Variants in CTSH observed in about 807,000 individuals in gnomAD.
CTSH encodes pro-cathepsin H.
In CTSH, 52 loss-of-function variants were observed where a neutral mutation model predicts 56.3. The ratio of observed to expected loss-of-function variants is 0.92; its 90% CI spans 0.74 to 1.16. The LOEUF is 1.16. Among genes scored for constraint, CTSH ranks in the 50% most tolerant of loss-of-function variants. CTSH has a pLI of 0.00. For missense variants in CTSH, 406 were observed against 424.5 expected, an observed-to-expected ratio of 0.96 and a Z score of 0.38; for synonymous variants, 174 against 155.7, an observed-to-expected ratio of 1.12 and a Z score of -0.88.
chr15:78,939,137 G>T lies in CTSH; in HGVS notation c.123+3C>A. On this transcript the variant is annotated splice_donor_region_variant and intron_variant, in intron 2 of 11. Transcript: ENST00000220166. Reference sequence around the variant, plus strand: ...CTTCAAAAAGAAGAAGTTGGGCACTGACCTTAGACATCCATGACTTGAAGT... The same window carrying T: ...CTTCAAAAAGAAGAAGTTGGGCACTTACCTTAGACATCCATGACTTGAAGT... 1 of 1,596,966 alleles carries T rather than the reference G, an allele frequency of 6.3e-7. No homozygotes were observed. The highest frequency in any genetic ancestry group is 8.5e-7 in the Non-Finnish European group (1 of 1,173,590).
At chr15:78,930,562 AAATAAAT>A (rs2055032306) in intron 7 of CTSH, among the ~76,000 whole-genome samples, 2 of 151,758 alleles carry the variant, frequency 1.3e-5, no homozygotes, top group African/African-American at 4.8e-5. Context: ...ATAAATAAAT[AAATAAAT>A]AAAAAATAAA....
chr15:78,936,909 G>A (rs12592959), intron 3 of CTSH: 2,438 of 165,216 alleles, frequency 0.015, 94 homozygotes, highest in East Asian at 0.14. Context: ...AATTACAGGC[G>A]TGAGCCACCG....
chr15:78,940,418 T>A (rs1262731773), intron 1 of CTSH, among the ~76,000 whole-genome samples: 3 of 151,434 alleles, frequency 2.0e-5, no homozygotes, highest in Non-Finnish European at 4.4e-5. Flanking sequence ...ACCTCGTCTC[T>A]ACAAAAAAAT....
chr15:78,935,215 C>T (rs2055150845), intron 4 of CTSH, 133 bp from the exon 5 acceptor site: 8 of 650,160 alleles, frequency 1.2e-5, no homozygotes, highest in Non-Finnish European at 2.1e-5. Flanking sequence ...CAGAACCTTC[C>T]CTCTCCTGTC....
chr15:78,925,645 G>C (rs1293842894), intron 9 of CTSH: 1 of 511,142 alleles, frequency 2.0e-6, no homozygotes, highest in Non-Finnish European at 3.6e-6. Context: ...TCTGCTCCTA[G>C]GAAACCCTGC....
intron 4 of CTSH, 118 bp from the exon 5 acceptor site, chr15:78,935,200 G>A (rs991017389): frequency 2.3e-5 from 16 of 710,152 alleles, no homozygotes; most frequent in Non-Finnish European, 3.1e-5. Flanking sequence ...AAAGGCTGCA[G>A]CTCTCAGAAC....
At chr15:78,929,538 T>C in intron 7 of CTSH, 45 bp from the exon 8 acceptor site, 1 of 1,422,152 alleles carries the variant, frequency 7.0e-7, no homozygotes, top group Non-Finnish European at 9.8e-7. Flanking sequence ...GCTGTCCTGA[T>C]AGAGGCGGGG....
At chr15:78,923,307 T>C (rs1185554217) in intron 10 of CTSH, among the ~76,000 whole-genome samples, 189 bp from the exon 11 acceptor site, 1 of 152,222 alleles carries the variant, frequency 6.6e-6, no homozygotes, top group African/African-American at 2.4e-5. Context: ...TTTTTTCTTT[T>C]GAGACGGAGT....
rs1027016865 is a variant in CTSH, at chr15:78,937,802, G to A, written c.124-379C>T. 2.3e-6 allele frequency: 3 copies of A among 1,296,954 alleles called. No individual in the cohort carries two copies. The African/African-American group carries it at 4.5e-5, about 20-fold the overall frequency. The allele number at this position is 1,296,954 out of a possible 1,614,324, so 80.3% of individuals were successfully genotyped here. On this transcript the variant is annotated intron_variant, in intron 2 of 11. Coordinates refer to ENST00000220166, the MANE Select transcript of CTSH (RefSeq NM_004390.5). ...TGTTCCCCAACTGATTCTGCAACCAGTACACAGTGTGCTTTGGTTTTCTAA... is the reference window on the plus strand; with the variant it reads ...TGTTCCCCAACTGATTCTGCAACCAATACACAGTGTGCTTTGGTTTTCTAA...
In CTSH at chr15:78,921,225, C is replaced by G. The variant is rs2054764740; in HGVS notation, c.*905G>C. 1 of 152,158 alleles carries G rather than the reference C, an allele frequency of 6.6e-6. No homozygotes were observed. Among genetic ancestry groups the G allele is most frequent in the Non-Finnish European group, 1.5e-5 (1 of 68,036 alleles). 9.4% of individuals were successfully genotyped at this position (152,158 alleles called of 1,614,324 possible). A position where few individuals can be genotyped will look rare whatever the true frequency, so the allele number is the denominator to read the frequency against. ...CCATAGGACAAAGAGCTGGTGGACTCCAGCTTGTTCTACAGACATCCCAGA... is the reference window on the plus strand; with the variant it reads ...CCATAGGACAAAGAGCTGGTGGACTGCAGCTTGTTCTACAGACATCCCAGA... On this transcript the variant is annotated 3_prime_UTR_variant, in exon 12 of 12. Transcript: ENST00000220166.
Position 78,944,936 on chromosome 15 carries a change from C to T in CTSH, c.46G>A (p.Gly16Arg), listed in dbSNP as rs1373011407. The change falls in exon 1 of 12, where the codon GGA (glycine) becomes AGA (arginine). Residue 16 changes from glycine to arginine, a missense_variant. Transcript: ENST00000220166. ...PLLCAGAWLLGVPVCGAAELC... is the reference protein window; with the variant it reads ...PLLCAGAWLLRVPVCGAAELC... ...TCGGCGGCACCGCAGACGGGGACTCCCAGGAGCCAGGCCCCGGCGCAGAGC... is the reference window on the plus strand; with the variant it reads ...TCGGCGGCACCGCAGACGGGGACTCTCAGGAGCCAGGCCCCGGCGCAGAGC... 2 of 1,548,576 alleles carry T rather than the reference C, an allele frequency of 1.3e-6. No individual in the cohort carries two copies. Among genetic ancestry groups the T allele is most frequent in the Admixed American group, 2.0e-5 (1 of 50,898 alleles).
chr15:78,927,702 T>C lies in CTSH; in HGVS notation c.699+11A>G. The C allele has an allele frequency of 6.2e-7, 1 of 1,613,574 alleles. No homozygotes were observed. ...ACACATTCCCCATCCCAGAGGGGGATCGGCACTCACGATTGTGATGTTGGC... is the reference window on the plus strand; with the variant it reads ...ACACATTCCCCATCCCAGAGGGGGACCGGCACTCACGATTGTGATGTTGGC... On this transcript the variant is annotated intron_variant, in intron 9 of 11. Coordinates refer to ENST00000220166, the MANE Select transcript of CTSH (RefSeq NM_004390.5).
In CTSH at chr15:78,925,408, G is replaced by A; in HGVS notation, c.732C>T (p.Ala244=). Residue 244 remains alanine, a synonymous_variant, in exon 10 of 12, where the codon GCC becomes GCT. Transcript: ENST00000220166. ...YDEEAMVEAV[A]LYNPVSFAFE... ...AGGCAAAGCTCACAGGGTTGTAGAG[G>A]GCCACAGCCTCCACCATCGCTTCCT... 13 of 1,613,846 alleles carry A rather than the reference G, an allele frequency of 8.1e-6. No individual in the cohort carries two copies. The highest frequency in any genetic ancestry group is 1.1e-5 in the Non-Finnish European group (13 of 1,179,778).
rs2054775665 is a variant in CTSH, at chr15:78,921,871, T to C, written c.*259A>G. 1.9e-6 allele frequency: 1 copy of C among 514,296 alleles called. No individual in the cohort carries two copies. Among genetic ancestry groups the C allele is most frequent in the Non-Finnish European group, 3.5e-6 (1 of 288,210 alleles). 31.9% of individuals were successfully genotyped at this position (514,296 alleles called of 1,614,324 possible). A position where few individuals can be genotyped will look rare whatever the true frequency, so the allele number is the denominator to read the frequency against. ...GTAGCCCTTCTGGACAGAAAGAATA[T>C]TCGTGGTCCATGTGGTTTGAGTCTG... On this transcript the variant is annotated 3_prime_UTR_variant, in exon 12 of 12. Coordinates refer to ENST00000220166, the MANE Select transcript of CTSH (RefSeq NM_004390.5).
At chr15:78,929,306 G>T in intron 8 of CTSH, 106 bp downstream of exon 8, 1 of 853,036 alleles carries the variant, frequency 1.2e-6, no homozygotes, top group African/African-American at 1.7e-5. Flanking sequence ...TGAGAATTCC[G>T]GCGGGAGGGA....
In CTSH at chr15:78,922,162, C is replaced by T. The variant is rs1567341042; in HGVS notation, c.976G>A (p.Ala326Thr). The T allele has an allele frequency of 6.3e-7, 1 of 1,581,372 alleles. No homozygotes were observed. Among genetic ancestry groups the T allele is most frequent in the Non-Finnish European group, 8.6e-7 (1 of 1,164,504 alleles). The change falls in exon 12 of 12, where the codon GCC becomes ACC. Residue 326 changes from alanine to threonine, a missense_variant. Ala to Thr is a moderately conservative substitution (Grantham distance 58). Coordinates refer to ENST00000220166, the MANE Select transcript of CTSH (RefSeq NM_004390.5). ...ERGKNMCGLA[A>T]CASYPIPLV ...AGAGGGATGGGGTAGGAGGCGCAGGCAGCCAGGCCACACATGTTCTTTCCG... is the reference window on the plus strand; with the variant it reads ...AGAGGGATGGGGTAGGAGGCGCAGGTAGCCAGGCCACACATGTTCTTTCCG...
rs1441292705 is a variant in CTSH, at chr15:78,939,177, A to C, written c.92-6T>G. 1.9e-6 allele frequency: 3 copies of C among 1,545,908 alleles called. No homozygotes were observed. The African/African-American group carries it at 4.3e-5, about 22-fold the overall frequency. The stretch of plus-strand genomic sequence containing the variant: ...TGACTTGAAGTGAAACTTCTCTGTA[A>C]AAAGAAAAAAAAAATTAGGTCTGGG... On this transcript the variant is annotated splice_polypyrimidine_tract_variant and splice_region_variant and intron_variant, in intron 1 of 11. Transcript: ENST00000220166.
chr15:78,934,579 G>C (rs1429329550), intron 5 of CTSH, among the ~76,000 whole-genome samples: 6 of 152,216 alleles, frequency 3.9e-5, no homozygotes, highest in African/African-American at 7.2e-5. Context: ...AGAGGGAGGC[G>C]GCCAGCCAGG....
intron 8 of CTSH, 104 bp from the exon 9 acceptor site, chr15:78,927,885 G>A (rs2054948209): frequency 4.4e-6 from 4 of 900,352 alleles, no homozygotes; most frequent in Non-Finnish European, 7.3e-6. Context: ...ATGTGCCAGG[G>A]CCTGGGGGAT....
Sources: allele counts gnomAD v4.1 joint callset (sites outside exome capture counted in the v4.1 genomes callset), GRCh38; gene constraint gnomAD v4.1.1; transcripts MANE v1.5; gene names NCBI Gene and HGNC (gene_info 2026-07-23, HGNC 2026-07-21).